The following CHL1 variants were observed in gnomAD, a reference collection of about 807,000 sequenced individuals.
The protein encoded by CHL1 is neural cell adhesion molecule L1-like protein.
CHL1 carries 96 observed loss-of-function variants against 141.9 expected under a neutral mutation model. The observed-to-expected ratio is 0.68, with a 90% confidence interval of 0.57 to 0.80. The LOEUF (loss-of-function observed/expected upper bound fraction) is 0.80, where lower values mean the gene tolerates loss of function less well. Among genes scored for constraint, CHL1 ranks in the 30% least tolerant of loss-of-function variants. The probability of loss-of-function intolerance (pLI) is 0.00; values close to 1 mark genes in which losing one functional copy is unlikely to be tolerated. For synonymous variants in CHL1, 613 were observed against 502.2 expected (o/e 1.22, Z -2.95); for missense variants, 1,820 against 1,457.2 (o/e 1.25, Z -4.05).
intron 1 of CHL1, among the ~76,000 whole-genome samples, chr3:214,204 C>T (rs1399611665): frequency 6.6e-6 from 1 of 152,158 alleles, no homozygotes; most frequent in Non-Finnish European, 1.5e-5. Flanking sequence ...AACAGAGCTC[C>T]TTCCTTACTT....
At chr3:321,589 A>G (rs1456148271) in intron 3 of CHL1, among the ~76,000 whole-genome samples, 1 of 152,120 alleles carries the variant, frequency 6.6e-6, no homozygotes, top group Non-Finnish European at 1.5e-5. Flanking sequence ...AATCTCTGGC[A>G]TACACATTTA....
At position 318,937 on chromosome 3, in the gene CHL1, T is replaced by G. The variant is rs539684836; in HGVS notation, c.-94-746T>G. ...TAAATGAAGTTATTGTCTTAGCCAT[T>G]AACACTCATCAGTCATATACACCAT... On this transcript the variant is annotated intron_variant, in intron 2 of 27. Coordinates refer to ENST00000256509, the MANE Select transcript of CHL1 (RefSeq NM_006614.4). Among the ~76,000 whole-genome samples, 475 of 151,624 alleles carry G rather than the reference T, an allele frequency of 3.1e-3. 2 individuals are homozygous for G. The highest frequency in any genetic ancestry group is 0.011 in the African/African-American group (451 of 41,414).
At chr3:327,260 A>G (rs1016213783) in intron 4 of CHL1, among the ~76,000 whole-genome samples, 7 of 151,960 alleles carry the variant, frequency 4.6e-5, no homozygotes, top group African/African-American at 1.7e-4. Flanking sequence ...CCTGAAATAT[A>G]CCCAAATTTG....
At chr3:200,192 C>G (rs973017943) in intron 1 of CHL1, among the ~76,000 whole-genome samples, 1 of 152,118 alleles carries the variant, frequency 6.6e-6, no homozygotes, top group African/African-American at 2.4e-5. Context: ...GCAATAGAGT[C>G]TAATGTATTT....
At chr3:203,775 C>T (rs903181397) in intron 1 of CHL1, among the ~76,000 whole-genome samples, 1 of 152,224 alleles carries the variant, frequency 6.6e-6, no homozygotes, top group Non-Finnish European at 1.5e-5. Context: ...GTTGCTTCTT[C>T]AGCAAGGCAG....
chr3:377,052 A>G (rs1461649231), intron 15 of CHL1, among the ~76,000 whole-genome samples: 1 of 152,232 alleles, frequency 6.6e-6, no homozygotes, highest in African/African-American at 2.4e-5. Flanking sequence ...AGTTATTTCA[A>G]CAAAATGCTA....
At chr3:254,358 C>G (rs1693968432) in intron 2 of CHL1, among the ~76,000 whole-genome samples, 2 of 152,180 alleles carry the variant, frequency 1.3e-5, no homozygotes, top group Admixed American at 6.5e-5. Context: ...TTTCAAATAT[C>G]TCTGCCCAAG....
At chr3:353,241 A>C (rs1703416695) in intron 10 of CHL1, among the ~76,000 whole-genome samples, 1 of 152,182 alleles carries the variant, frequency 6.6e-6, no homozygotes, top group South Asian at 2.1e-4. Flanking sequence ...CGTTGAAAGC[A>C]ATAGTTGTAA....
At chr3:321,055 C>T (rs1334601884) in intron 3 of CHL1, among the ~76,000 whole-genome samples, 1 of 152,006 alleles carries the variant, frequency 6.6e-6, no homozygotes, top group Non-Finnish European at 1.5e-5. Flanking sequence ...TTTTGAAGTG[C>T]TCAGACAGAC....
rs776502261 is a variant in CHL1 at position 363,419 on chromosome 3, C to A, written c.1585+36C>A. ...TTCACTGTTACTTTGCATGAATTGTCACATGGGTTCAGTCTGTCTTCATTT... is the reference window on the plus strand; with the variant it reads ...TTCACTGTTACTTTGCATGAATTGTAACATGGGTTCAGTCTGTCTTCATTT... On this transcript the variant is annotated intron_variant, in intron 14 of 27. Transcript: ENST00000256509. 1.9e-6 allele frequency: 3 copies of A among 1,559,236 alleles called. No homozygotes were observed. In the South Asian group the frequency reaches 3.5e-5, roughly 18 times the overall value.
chr3:265,460 T>G (rs1695071551), intron 2 of CHL1, among the ~76,000 whole-genome samples: 1 of 152,222 alleles, frequency 6.6e-6, no homozygotes, highest in Non-Finnish European at 1.5e-5. Context: ...TGCTGTCTTA[T>G]TATTCTTAGT....
At position 250,970 on chromosome 3, in the gene CHL1, G is replaced by A. The variant is rs73814067; in HGVS notation, c.-95+6278G>A. ...AGGGTTGAAGATACAGTCGCAAAGA[G>A]AGACACAGTTCTTATCCTCATGAAG... On this transcript the variant is annotated intron_variant, in intron 2 of 27. Coordinates refer to ENST00000256509, the MANE Select transcript of CHL1 (RefSeq NM_006614.4). 6.6e-3 allele frequency among the ~76,000 whole-genome samples: 999 copies of A among 152,142 alleles called. 9 individuals carry two copies. The highest frequency in any genetic ancestry group is 0.023 in the African/African-American group (948 of 41,546).
intron 26 of CHL1, among the ~76,000 whole-genome samples, chr3:399,752 A>T (rs558645404): frequency 2.0e-5 from 3 of 152,368 alleles, no homozygotes; most frequent in East Asian, 3.9e-4. Context: ...ACTAGGTCAC[A>T]TATATGCTTT....
chr3:332,647 G>T (rs1701530622), intron 5 of CHL1, among the ~76,000 whole-genome samples: 1 of 152,162 alleles, frequency 6.6e-6, no homozygotes, highest in South Asian at 2.1e-4. Context: ...AATCAGACCA[G>T]TGACATGTCA....
intron 2 of CHL1, chr3:247,206 C>G (rs1040366871): frequency 6.6e-6 from 1 of 151,872 alleles, no homozygotes; most frequent in Non-Finnish European, 1.5e-5. Context: ...AGAGACCATT[C>G]AAATGCTTAG....
chr3:297,459 G>C (rs780366265), intron 2 of CHL1, among the ~76,000 whole-genome samples: 30 of 152,118 alleles, frequency 2.0e-4, no homozygotes, highest in Admixed American at 9.2e-4. Flanking sequence ...TGAGATTTGT[G>C]AGTAACATTG....
chr3:342,110 C>G (rs1212760206), intron 7 of CHL1, 28 bp downstream of exon 7: 1 of 1,580,582 alleles, frequency 6.3e-7, no homozygotes, highest in South Asian at 1.1e-5. Flanking sequence ...ATCGTTTCAT[C>G]ATGTATGCTG....
chr3:360,264 C>T lies in CHL1; in HGVS notation c.1166-20C>T, dbSNP rs868806628. 1.4e-5 allele frequency: 22 copies of T among 1,612,380 alleles called. 1 individual carries two copies. In the Middle Eastern group the frequency reaches 3.0e-3, roughly 218 times the overall value. On this transcript the variant is annotated intron_variant, in intron 11 of 27. Coordinates refer to ENST00000256509, the MANE Select transcript of CHL1 (RefSeq NM_006614.4). ...TATGTCCTGTTCCTTATCAAACTGA[C>T]ATTCTTTAATCTCTTTCAGATCATC...
chr3:344,713 A>G lies in CHL1; in HGVS notation c.848+4A>G. The G allele has an allele frequency of 6.2e-7, 1 of 1,613,514 alleles. No homozygotes were observed. The stretch of plus-strand genomic sequence containing the variant: ...TTGAGTGTTTTGCTGAAGGCTTGTG[A>G]GTAACCTGACTCTCACTCATGACTT... On this transcript the variant is annotated splice_donor_region_variant and intron_variant, in intron 9 of 27. Transcript: ENST00000256509.
Sources: allele counts gnomAD v4.1 joint callset (sites outside exome capture counted in the v4.1 genomes callset), GRCh38; gene constraint gnomAD v4.1.1; transcripts MANE v1.5; gene names NCBI Gene and HGNC (gene_info 2026-07-23, HGNC 2026-07-21).